Variants in TMEM161B observed in about 807,000 individuals in gnomAD.
TMEM161B encodes transmembrane protein 161B.
TMEM161B carries 34 observed loss-of-function variants against 61.8 expected under a neutral mutation model. The observed-to-expected ratio is 0.55, with a 90% confidence interval of 0.42 to 0.73. The LOEUF (loss-of-function observed/expected upper bound fraction) is 0.73. TMEM161B is among the 30% of genes least tolerant of loss of function. TMEM161B has a pLI of 0.00. For missense variants in TMEM161B, 456 were observed against 558.5 expected, an observed-to-expected ratio of 0.82 and a Z score of 1.85; for synonymous variants, 167 against 192.8, an observed-to-expected ratio of 0.87 and a Z score of 1.11.
chr5:88,190,878 C>G (rs371953414), downstream of TMEM161B, among the ~76,000 whole-genome samples: 12 of 152,088 alleles, frequency 7.9e-5, no homozygotes, highest in East Asian at 1.2e-3. Context: ...TATGGATTAT[C>G]TTAGAGATTA....
At chr5:88,227,676 T>G (rs917402294) in intron 3 of TMEM161B, among the ~76,000 whole-genome samples, 8 of 152,142 alleles carry the variant, frequency 5.3e-5, no homozygotes, top group Admixed American at 2.0e-4. Context: ...TTAGGCTAGG[T>G]TAGCATTTTT....
chr5:88,230,170 A>C (rs1750751904), intron 2 of TMEM161B, among the ~76,000 whole-genome samples: 2 of 152,128 alleles, frequency 1.3e-5, no homozygotes, highest in Admixed American at 1.3e-4. Context: ...TGGGCAACAA[A>C]GTAAGACCCT....
At chr5:88,192,797 G>A (rs1749089586), downstream of TMEM161B, among the ~76,000 whole-genome samples, 1 of 152,202 alleles carries the variant, frequency 6.6e-6, no homozygotes, top group Non-Finnish European at 1.5e-5. Flanking sequence ...TGATGGCTCA[G>A]AAACTGTATA....
intron 8 of TMEM161B, 151 bp from the exon 9 acceptor site, chr5:88,203,226 CATTATG>C (rs1038705929): frequency 1.7e-5 from 9 of 543,586 alleles, no homozygotes; most frequent in Non-Finnish European, 2.6e-5. Flanking sequence ...TTATATTTAT[CATTATG>C]ATTTAACACT....
intron 1 of TMEM161B, among the ~76,000 whole-genome samples, chr5:88,267,969 T>A (rs1013423568): frequency 2.0e-5 from 3 of 152,192 alleles, no homozygotes; most frequent in African/African-American, 7.2e-5. Flanking sequence ...TCAGAATACA[T>A]GGGCTCAGGG....
rs1186070156 is a variant in TMEM161B at position 88,195,491 on chromosome 5, AAAAC to A, written c.*716_*719del. The A allele has an allele frequency of 1.0e-6, 1 of 984,728 alleles. No individual in the cohort carries two copies. Among genetic ancestry groups the A allele is most frequent in the Non-Finnish European group, 1.2e-6 (1 of 829,360 alleles). 61.0% of individuals were successfully genotyped at this position (984,728 alleles called of 1,614,324 possible). The stretch of plus-strand genomic sequence containing the variant: ...AAGGAACTAGTTAGGATCACAGAAT[AAAAC>A]AAAATATGGCAGGTCCAAACCTAAT... On this transcript the variant is annotated 3_prime_UTR_variant, in exon 12 of 12. Transcript: ENST00000296595.
chr5:88,227,160 G>A (rs556176399), intron 3 of TMEM161B, among the ~76,000 whole-genome samples: 17 of 152,148 alleles, frequency 1.1e-4, no homozygotes, highest in South Asian at 4.2e-4. Context: ...ACTGCACTTC[G>A]GCCTGAGTGA....
intron 1 of TMEM161B, among the ~76,000 whole-genome samples, chr5:88,258,589 T>C (rs1295520346): frequency 1.3e-5 from 2 of 152,104 alleles, no homozygotes; most frequent in Non-Finnish European, 2.9e-5. Flanking sequence ...CATATCCCCA[T>C]AAACCATAAG....
chr5:88,225,791 T>C lies in TMEM161B; in HGVS notation c.267A>G (p.Ser89=). 23 of 1,609,926 alleles carry C rather than the reference T, an allele frequency of 1.4e-5. No individual in the cohort carries two copies. Among genetic ancestry groups the C allele is most frequent in the Non-Finnish European group, 2.0e-5 (23 of 1,177,498 alleles). Residue 89 remains serine, a synonymous_variant, in exon 4 of 12, where the codon TCA becomes TCG. Coordinates refer to ENST00000296595, the MANE Select transcript of TMEM161B (RefSeq NM_153354.5). ...KDIDLHLETK[S]VTEVDTLALH... is the part of the protein sequence containing the mutation. Reference sequence around the variant, plus strand: ...TACCTAAAGTATCCACTTCTGTAACTGACTTTGTTTCTAGATGAAGGTCAA... The same window carrying C: ...TACCTAAAGTATCCACTTCTGTAACCGACTTTGTTTCTAGATGAAGGTCAA...
intron 10 of TMEM161B, 145 bp downstream of exon 10, chr5:88,198,831 A>G (rs910522972): frequency 4.0e-6 from 3 of 746,584 alleles, no homozygotes; most frequent in Non-Finnish European, 6.3e-6. Context: ...GGTCTCTTTG[A>G]TATCTGTCAA....
intron 2 of TMEM161B, among the ~76,000 whole-genome samples, chr5:88,228,956 G>A (rs1750526618): frequency 6.6e-6 from 1 of 152,164 alleles, no homozygotes; most frequent in Non-Finnish European, 1.5e-5. Flanking sequence ...TTTACAGGTA[G>A]TCTTTCCTTT....
intron 5 of TMEM161B, among the ~76,000 whole-genome samples, chr5:88,212,070 A>C (rs1746916592): frequency 6.6e-6 from 1 of 152,178 alleles, no homozygotes; most frequent in South Asian, 2.1e-4. Context: ...AAAATAAAGC[A>C]AAACTAGGTA....
chr5:88,201,923 C>A, intron 9 of TMEM161B: 1 of 224,524 alleles, frequency 4.5e-6, no homozygotes, highest in Non-Finnish European at 9.2e-6. Context: ...AAACTGGTAC[C>A]AGGATCTAAA....
intron 6 of TMEM161B, 123 bp from the exon 7 acceptor site, chr5:88,206,622 C>T: frequency 1.0e-6 from 1 of 961,224 alleles, no homozygotes; most frequent in Non-Finnish European, 1.5e-6. Flanking sequence ...ACTAGCTTAG[C>T]TCTTTCATGT....
At chr5:88,264,217 C>T (rs247915) in intron 1 of TMEM161B, among the ~76,000 whole-genome samples, 42,568 of 151,396 alleles carry the variant, frequency 0.28, 7,132 homozygotes, top group African/African-American at 0.46. Flanking sequence ...CCAGAATCTA[C>T]AAGGAACTTA....
At chr5:88,225,331 T>G (rs1448405392) in intron 4 of TMEM161B, among the ~76,000 whole-genome samples, 1 of 152,018 alleles carries the variant, frequency 6.6e-6, no homozygotes, top group Non-Finnish European at 1.5e-5. Flanking sequence ...TATTAGTAGT[T>G]AGGTTATGGG....
chr5:88,192,211 C>A (rs572261476), downstream of TMEM161B, among the ~76,000 whole-genome samples: 4 of 151,128 alleles, frequency 2.6e-5, no homozygotes, highest in Non-Finnish European at 5.9e-5. Context: ...ACAGTAACCA[C>A]ATGCAGGGAG....
chr5:88,248,854 A>G (rs1038787607), intron 1 of TMEM161B, among the ~76,000 whole-genome samples: 1 of 152,088 alleles, frequency 6.6e-6, no homozygotes, highest in African/African-American at 2.4e-5. Flanking sequence ...GAGCTCTTTT[A>G]AGGAAATCCT....
At chr5:88,222,576 A>G (rs1749200488) in intron 4 of TMEM161B, among the ~76,000 whole-genome samples, 1 of 152,204 alleles carries the variant, frequency 6.6e-6, no homozygotes, top group African/African-American at 2.4e-5. Context: ...CAATTTTATT[A>G]TCAATAATTG....
Sources: gnomAD v4.1 joint callset for allele counts (sites outside exome capture counted in the v4.1 genomes callset) on GRCh38, gnomAD v4.1.1 for gene constraint, MANE v1.5 for transcripts, NCBI Gene and HGNC (gene_info 2026-07-23, HGNC 2026-07-21) for gene names.